Variants in GTF2F1 observed in about 807,000 individuals in gnomAD.
The protein encoded by GTF2F1 is general transcription factor IIF subunit 1, also known as general transcription factor IIF 74 kDa subunit.
Under a neutral mutation model 63.5 loss-of-function variants are expected in GTF2F1, and 39 were observed. The ratio of observed to expected loss-of-function variants is 0.61; its 90% CI spans 0.48 to 0.80. The LOEUF (loss-of-function observed/expected upper bound fraction) is 0.80. Ranked by LOEUF, GTF2F1 falls within the 30% of genes least tolerant of loss-of-function variation. The pLI, the probability that GTF2F1 is intolerant of heterozygous loss-of-function variation, is 0.00. For missense variants in GTF2F1, 657 were observed against 718.3 expected (o/e 0.91, Z 0.97); for synonymous variants, 287 against 285.3 (o/e 1.01, Z -0.06).
Position 6,391,874 on chromosome 19 carries a change from C to T in GTF2F1, c.132+28G>A, listed in dbSNP as rs764574197. On this transcript the variant is annotated intron_variant, in intron 3 of 12. Coordinates refer to ENST00000394456, the MANE Select transcript of GTF2F1 (RefSeq NM_002096.3). Reference sequence around the variant, plus strand: ...GGTCAAGTTCTCTCACCACCCCAGCCCCTGACCCCCAGGACTCAGAGACTT... The same window carrying T: ...GGTCAAGTTCTCTCACCACCCCAGCTCCTGACCCCCAGGACTCAGAGACTT... 6.5e-6 allele frequency: 9 copies of T among 1,376,264 alleles called. No homozygotes were observed. In the South Asian group the frequency reaches 1.1e-4, roughly 17 times the overall value. 85.3% of individuals were successfully genotyped at this position (1,376,264 alleles called of 1,614,324 possible). A position where few individuals can be genotyped will look rare whatever the true frequency, so the allele number is the denominator to read the frequency against.
intron 4 of GTF2F1, 91 bp downstream of exon 4, chr19:6,389,353 T>G: frequency 9.0e-7 from 1 of 1,112,286 alleles, no homozygotes; most frequent in Non-Finnish European, 1.3e-6. Context: ...GAATCTGAGG[T>G]TCAGAGAGGG....
intron 5 of GTF2F1, among the ~76,000 whole-genome samples, chr19:6,385,267 C>G (rs989672216): frequency 1.3e-5 from 2 of 151,442 alleles, no homozygotes; most frequent in Non-Finnish European, 2.9e-5. Context: ...GGGAGGTGCA[C>G]GTGTGTAGTC....
chr19:6,381,862 G>T lies in GTF2F1; in HGVS notation c.683-12C>A. On this transcript the variant is annotated splice_polypyrimidine_tract_variant and intron_variant, in intron 6 of 12. Transcript: ENST00000394456. This position sits in a 1 kb window ranked among gnomAD's most constrained non-coding sequence, Gnocchi z 4.1. Reference sequence around the variant, plus strand: ...GGGGACTCTGCCCCCTGGGAAGGGAGGAAAGGAAGGAAAGGAGGGAAAGTG... The same window carrying T: ...GGGGACTCTGCCCCCTGGGAAGGGATGAAAGGAAGGAAAGGAGGGAAAGTG... The T allele has an allele frequency of 6.3e-7, 1 of 1,597,068 alleles. No individual in the cohort carries two copies. The highest frequency in any genetic ancestry group is 1.3e-5 in the African/African-American group (1 of 74,598).
At chr19:6,392,273 G>A (rs1016308579) in intron 2 of GTF2F1, 68 of 502,192 alleles carry the variant, frequency 1.4e-4, no homozygotes, top group Non-Finnish European at 1.7e-4. Context: ...CAGTCTGCCA[G>A]AGAAGCTAGA....
Position 6,380,557 on chromosome 19 carries a change from GTCC to G in GTF2F1, c.1349+13_1349+15del, listed in dbSNP as rs774978790. ...AGTAGCCCTTGCCCTGCCCCCTGCTGTCCTCGTCAACTTACCCGCTGTTGGGTG... is the reference window on the plus strand; with the variant it reads ...AGTAGCCCTTGCCCTGCCCCCTGCTGTCGTCAACTTACCCGCTGTTGGGTG... On this transcript the variant is annotated intron_variant, in intron 12 of 12. Coordinates refer to ENST00000394456, the MANE Select transcript of GTF2F1 (RefSeq NM_002096.3). The surrounding 1 kb of genome is among the most constrained non-coding windows in gnomAD (Gnocchi z 5.3). The G allele has an allele frequency of 1.2e-6, 2 of 1,613,026 alleles. No homozygotes were observed. Among genetic ancestry groups the G allele is most frequent in the African/African-American group, 1.3e-5 (1 of 74,894 alleles).
intron 3 of GTF2F1, among the ~76,000 whole-genome samples, chr19:6,391,315 C>T (rs565763444): frequency 6.6e-6 from 1 of 152,132 alleles, no homozygotes. Context: ...TAAACCATGG[C>T]CAAAAATGTC....
At position 6,381,254 on chromosome 19, in the gene GTF2F1, G is replaced by C; in HGVS notation, c.1019-59C>G. 1 of 1,564,614 alleles carries C rather than the reference G, an allele frequency of 6.4e-7. No individual in the cohort carries two copies. Among genetic ancestry groups the C allele is most frequent in the Non-Finnish European group, 8.7e-7 (1 of 1,155,380 alleles). ...CAACCCCGGGACCCGGTGCCCACTGGTGCCTCCACTGCAGATGAGGGAGGC... is the reference window on the plus strand; with the variant it reads ...CAACCCCGGGACCCGGTGCCCACTGCTGCCTCCACTGCAGATGAGGGAGGC... On this transcript the variant is annotated intron_variant, in intron 9 of 12. Transcript: ENST00000394456. The surrounding 1 kb of genome is among the most constrained non-coding windows in gnomAD (Gnocchi z 4.1).
In GTF2F1 at chr19:6,380,432, A is replaced by T. The variant is rs774365042; in HGVS notation, c.1403T>A (p.Met468Lys). Residue 468 changes from methionine (M) to lysine (K), a missense_variant, in exon 13 of 13, where the codon ATG becomes AAG. Physicochemically the swap from Met to Lys is moderately conservative, Grantham distance 95. Transcript: ENST00000394456. The surrounding 1 kb of genome is among the most constrained non-coding windows in gnomAD (Gnocchi z 5.3). ...AVRRYLTRKP[M>K]TTKDLLKKFQ... ...CTTTTTCAGCAGGTCCTTAGTGGTC[A>T]TGGGCTTCCGTGTCAGGTAGCGGCG... The T allele has an allele frequency of 6.2e-7, 1 of 1,614,096 alleles. No homozygotes were observed. Among genetic ancestry groups the T allele is most frequent in the Non-Finnish European group, 8.5e-7 (1 of 1,180,026 alleles).
Position 6,381,288 on chromosome 19 carries a change from G to A in GTF2F1, c.1018+71C>T. 6.5e-7 allele frequency: 1 copy of A among 1,547,024 alleles called. No individual in the cohort carries two copies. The highest frequency in any genetic ancestry group is 8.7e-7 in the Non-Finnish European group (1 of 1,145,296). On this transcript the variant is annotated intron_variant, in intron 9 of 12. Coordinates refer to ENST00000394456, the MANE Select transcript of GTF2F1 (RefSeq NM_002096.3). The surrounding 1 kb of genome is among the most constrained non-coding windows in gnomAD (Gnocchi z 4.1). ...CTGCAGATGAGGGAGGCCTGCAGGG[G>A]AGAGGGGAGGAGGTGGCAGGGCGCC... is the stretch of plus-strand genomic sequence containing the variant.
At chr19:6,387,014 A>C in intron 5 of GTF2F1, 1 of 244,208 alleles carries the variant, frequency 4.1e-6, no homozygotes. Flanking sequence ...CACCCGCCCC[A>C]CCTCTGAGGC....
rs534209203 is a variant in GTF2F1 at position 6,381,871 on chromosome 19, G to A, written c.683-21C>T. 6.3e-6 allele frequency: 10 copies of A among 1,586,824 alleles called. No individual in the cohort carries two copies. In the African/African-American group the frequency reaches 8.1e-5, roughly 13 times the overall value. ...GCCCCCTGGGAAGGGAGGAAAGGAAGGAAAGGAGGGAAAGTGAGGAGGAAG... is the reference window on the plus strand; with the variant it reads ...GCCCCCTGGGAAGGGAGGAAAGGAAAGAAAGGAGGGAAAGTGAGGAGGAAG... On this transcript the variant is annotated intron_variant, in intron 6 of 12. Transcript: ENST00000394456. This position sits in a 1 kb window ranked among gnomAD's most constrained non-coding sequence, Gnocchi z 4.1.
chr19:6,380,677 G>A lies in GTF2F1; in HGVS notation c.1245C>T (p.Ser415=), dbSNP rs373549104. Residue 415 remains serine, a synonymous_variant, in exon 12 of 13, where the codon AGC becomes AGT. Coordinates refer to ENST00000394456, the MANE Select transcript of GTF2F1 (RefSeq NM_002096.3). The surrounding 1 kb of genome is among the most constrained non-coding windows in gnomAD (Gnocchi z 5.3). ...ASKLEQGKRV[S]EMPAAKRLRL... ...GCAACCGCTTGGCTGCAGGCATCTC[G>A]CTCACCCGCTTCCCTGTGGGAGTGG... is the stretch of plus-strand genomic sequence containing the variant. 24 of 1,611,786 alleles carry A rather than the reference G, an allele frequency of 1.5e-5. 1 individual carries two copies. The African/African-American group carries it at 1.6e-4, about 11-fold the overall frequency.
intron 5 of GTF2F1, among the ~76,000 whole-genome samples, chr19:6,386,429 A>C (rs924183112): frequency 6.6e-6 from 1 of 152,034 alleles, no homozygotes; most frequent in African/African-American, 2.4e-5. Context: ...AAAAAACACC[A>C]AAGAGGGAAA....
intron 5 of GTF2F1, among the ~76,000 whole-genome samples, chr19:6,385,962 G>A (rs1201579394): frequency 6.6e-6 from 1 of 152,124 alleles, no homozygotes; most frequent in Non-Finnish European, 1.5e-5. Flanking sequence ...TGTAGTCCCA[G>A]CTACCCAGGA....
chr19:6,389,391 C>T, intron 4 of GTF2F1, 53 bp downstream of exon 4: 1 of 1,539,862 alleles, frequency 6.5e-7, no homozygotes, highest in East Asian at 2.3e-5. Context: ...AAGTTGAGGC[C>T]TGGGGATGTG....
Position 6,387,565 on chromosome 19 carries a change from G to A in GTF2F1, c.327-6C>T. On this transcript the variant is annotated splice_polypyrimidine_tract_variant and splice_region_variant and intron_variant, in intron 4 of 12. Coordinates refer to ENST00000394456, the MANE Select transcript of GTF2F1 (RefSeq NM_002096.3). ...CCTTCTTGATGCCCTTGAACCTGCA[G>A]GGAGCCACGGTCATGGCCTGGCCCA... 1 of 1,613,616 alleles carries A rather than the reference G, an allele frequency of 6.2e-7. No individual in the cohort carries two copies. The highest frequency in any genetic ancestry group is 8.5e-7 in the Non-Finnish European group (1 of 1,179,664).
At chr19:6,385,436 T>G (rs987713124) in intron 5 of GTF2F1, among the ~76,000 whole-genome samples, 2 of 145,836 alleles carry the variant, frequency 1.4e-5, no homozygotes, top group African/African-American at 5.1e-5. Context: ...ATGGCATTTC[T>G]CCTTTGGTTA....
chr19:6,381,250 A>C lies in GTF2F1; in HGVS notation c.1019-55T>G. The C allele has an allele frequency of 1.3e-6, 2 of 1,566,650 alleles. No homozygotes were observed. The highest frequency in any genetic ancestry group is 1.7e-6 in the Non-Finnish European group (2 of 1,156,628). ...AGAGCAACCCCGGGACCCGGTGCCC[A>C]CTGGTGCCTCCACTGCAGATGAGGG... On this transcript the variant is annotated intron_variant, in intron 9 of 12. Coordinates refer to ENST00000394456, the MANE Select transcript of GTF2F1 (RefSeq NM_002096.3). This position sits in a 1 kb window ranked among gnomAD's most constrained non-coding sequence, Gnocchi z 4.1.
intron 2 of GTF2F1, 178 bp from the exon 3 acceptor site, chr19:6,392,152 A>G: frequency 1.5e-6 from 1 of 660,430 alleles, no homozygotes; most frequent in Non-Finnish European, 2.8e-6. Flanking sequence ...CAATTCAATC[A>G]TTCCATTCAA....
Sources: gnomAD v4.1 joint callset for allele counts (sites outside exome capture counted in the v4.1 genomes callset) on GRCh38, gnomAD v4.1.1 for gene constraint, Gnocchi (gnomAD v3.1) non-coding constraint, MANE v1.5 for transcripts, NCBI Gene and HGNC (gene_info 2026-07-23, HGNC 2026-07-21) for gene names.